ASIC2: variants seen among roughly 807,000 people sequenced by gnomAD.
ASIC2 encodes the protein acid sensing ion channel subunit 2, also known as acid-sensing ion channel 2.
A neutral mutation model predicts 57.3 loss-of-function variants in ASIC2; 25 were observed. That is an observed-to-expected ratio of 0.44 (90% CI 0.32 to 0.61). The LOEUF (loss-of-function observed/expected upper bound fraction) is 0.61, where lower values mean the gene tolerates loss of function less well. Among genes scored for constraint, ASIC2 ranks in the 20% least tolerant of loss-of-function variants. The pLI is 0.06. For missense variants in ASIC2, 641 were observed against 738.1 expected (o/e 0.87, Z 1.52); for synonymous variants, 319 against 307.5 (o/e 1.04, Z -0.39).
At chr17:33,467,058 AC>A (rs989920903) in intron 1 of ASIC2, among the ~76,000 whole-genome samples, 40 of 152,190 alleles carry the variant, frequency 2.6e-4, no homozygotes, top group Admixed American at 1.3e-4. Flanking sequence ...TGAACAGGCA[AC>A]CTACAGAATG....
intron 1 of ASIC2, among the ~76,000 whole-genome samples, chr17:34,034,992 C>G (rs2142040527): frequency 1.3e-5 from 2 of 151,918 alleles, no homozygotes; most frequent in East Asian, 3.9e-4. Context: ...TGACTTTCTT[C>G]ACAGAATTGG....
chr17:34,033,141 G>C lies in ASIC2; in HGVS notation c.555+122837C>G, dbSNP rs561028777. Among the ~76,000 whole-genome samples, 34 of 152,220 alleles carry C rather than the reference G, an allele frequency of 2.2e-4. No individual in the cohort carries two copies. The East Asian group carries it at 4.1e-3, about 18-fold the overall frequency. ...AAAGCACTCCTCAGCAAATGTAAAA[G>C]AACAGAAATTATAACAAACTGTCTC... On this transcript the variant is annotated intron_variant, in intron 1 of 9. Transcript: ENST00000359872.
chr17:33,901,158 C>T (rs1915223359), intron 1 of ASIC2, among the ~76,000 whole-genome samples: 1 of 152,148 alleles, frequency 6.6e-6, no homozygotes, highest in African/African-American at 2.4e-5. Context: ...TGCATTCTAT[C>T]CTGTGCATGT....
chr17:33,401,871 A>T (rs1192950540), intron 1 of ASIC2, among the ~76,000 whole-genome samples: 1 of 152,128 alleles, frequency 6.6e-6, no homozygotes, highest in African/African-American at 2.4e-5. Context: ...TAACAAAAGG[A>T]AATTAAGTTA....
intron 1 of ASIC2, among the ~76,000 whole-genome samples, chr17:33,190,004 TG>T (rs1274428303): frequency 6.6e-6 from 1 of 152,110 alleles, no homozygotes; most frequent in Admixed American, 6.6e-5. Flanking sequence ...TCTCACCACA[TG>T]TATTCAGCAT....
chr17:33,079,676 A>C (rs1375367602), intron 3 of ASIC2, among the ~76,000 whole-genome samples: 3 of 152,108 alleles, frequency 2.0e-5, no homozygotes, highest in Non-Finnish European at 2.9e-5. Context: ...TGGGTGAAAA[A>C]AACATAAGGA....
chr17:33,772,580 G>A (rs1206079394), intron 1 of ASIC2, among the ~76,000 whole-genome samples: 1 of 152,194 alleles, frequency 6.6e-6, no homozygotes, highest in East Asian at 1.9e-4. Context: ...TATGTATTAT[G>A]TATGTAGTAT....
chr17:33,474,328 C>T (rs12451851), intron 1 of ASIC2, among the ~76,000 whole-genome samples: 42,802 of 152,072 alleles, frequency 0.28, 6,088 homozygotes, highest in South Asian at 0.33. Context: ...GATTGCACCA[C>T]TGCACTCCAG....
chr17:34,028,621 CCA>C (rs546058474), intron 1 of ASIC2, among the ~76,000 whole-genome samples: 102 of 152,318 alleles, frequency 6.7e-4, no homozygotes, highest in African/African-American at 2.3e-3. Context: ...CAGCCATTCA[CCA>C]CAGTTTCACA....
chr17:33,762,663 C>T (rs1910821247), intron 1 of ASIC2, among the ~76,000 whole-genome samples: 1 of 152,232 alleles, frequency 6.6e-6, no homozygotes, highest in South Asian at 2.1e-4. Flanking sequence ...AGCCGTTGCA[C>T]AGCAATGGAT....
chr17:33,150,805 C>G (rs556495484), intron 1 of ASIC2, among the ~76,000 whole-genome samples: 2 of 70,318 alleles, frequency 2.8e-5, no homozygotes, highest in African/African-American at 7.2e-5. Flanking sequence ...AGCCGAGATC[C>G]CGCCACTGCA....
intron 1 of ASIC2, among the ~76,000 whole-genome samples, chr17:33,889,240 G>C (rs139857757): frequency 1.2e-4 from 18 of 152,168 alleles, no homozygotes; most frequent in African/African-American, 3.9e-4. Context: ...ACCCCCCCTC[G>C]TTTTTCAGAT....
chr17:33,739,299 G>A (rs1275954932), intron 1 of ASIC2, among the ~76,000 whole-genome samples: 1 of 152,166 alleles, frequency 6.6e-6, no homozygotes, highest in East Asian at 1.9e-4. Context: ...GGGGATTTGA[G>A]TCCATCAGAA....
chr17:33,993,400 C>T lies in ASIC2; in HGVS notation c.555+162578G>A, dbSNP rs540059446. Among the ~76,000 whole-genome samples, 11 of 152,298 alleles carry T rather than the reference C, an allele frequency of 7.2e-5. No homozygotes were observed. In the South Asian group the frequency reaches 2.3e-3, roughly 32 times the overall value. On this transcript the variant is annotated intron_variant, in intron 1 of 9. Transcript: ENST00000359872. Reference sequence around the variant, plus strand: ...CAGCCTACAAGTCACTGGTACATGCCCATGACCCCACTCTCCTCTACTGCC... The same window carrying T: ...CAGCCTACAAGTCACTGGTACATGCTCATGACCCCACTCTCCTCTACTGCC...
intron 1 of ASIC2, among the ~76,000 whole-genome samples, chr17:33,631,387 G>A (rs990982184): frequency 3.3e-5 from 5 of 150,938 alleles, no homozygotes; most frequent in Admixed American, 3.3e-4. Context: ...CTATACTAAG[G>A]AGAAACAGAG....
At chr17:33,776,575 C>T (rs1205156401) in intron 1 of ASIC2, among the ~76,000 whole-genome samples, 2 of 152,200 alleles carry the variant, frequency 1.3e-5, no homozygotes, top group East Asian at 1.9e-4. Flanking sequence ...GGGCTGCTGG[C>T]CTTGGGCCTG....
chr17:33,855,490 A>G (rs1913898246), intron 1 of ASIC2, among the ~76,000 whole-genome samples: 1 of 152,202 alleles, frequency 6.6e-6, no homozygotes, highest in South Asian at 2.1e-4. Flanking sequence ...CTGCAAAATG[A>G]CTATAATTTT....
intron 1 of ASIC2, among the ~76,000 whole-genome samples, chr17:33,888,802 G>A (rs1183416110): frequency 6.6e-6 from 1 of 152,152 alleles, no homozygotes; most frequent in Non-Finnish European, 1.5e-5. Context: ...GGCTGTGAGT[G>A]GAGGGGCTAT....
At chr17:34,112,273 G>T (rs1911299453) in intron 1 of ASIC2, among the ~76,000 whole-genome samples, 1 of 151,924 alleles carries the variant, frequency 6.6e-6, no homozygotes, top group Non-Finnish European at 1.5e-5. Flanking sequence ...TACCTCATAG[G>T]ATCACAGTGC....
Sources: gnomAD v4.1 joint callset for allele counts (sites outside exome capture counted in the v4.1 genomes callset) on GRCh38, gnomAD v4.1.1 for gene constraint, MANE v1.5 for transcripts, NCBI Gene and HGNC (gene_info 2026-07-23, HGNC 2026-07-21) for gene names.